The following DOCK2 variants were observed in gnomAD, a reference collection of about 807,000 sequenced individuals.
The protein encoded by DOCK2 is dedicator of cytokinesis 2, also known as dedicator of cytokinesis protein 2.
A neutral mutation model predicts 248.9 loss-of-function variants in DOCK2; 87 were observed. That is an observed-to-expected ratio of 0.35 (90% CI 0.29 to 0.42). The LOEUF (loss-of-function observed/expected upper bound fraction) is 0.42. DOCK2 is among the 10% of genes least tolerant of loss of function. The pLI is 1.00. For missense variants in DOCK2, 1,747 were observed against 2,300.2 expected, an observed-to-expected ratio of 0.76 and a Z score of 4.92; for synonymous variants, 805 against 821.6, an observed-to-expected ratio of 0.98 and a Z score of 0.35.
chr5:169,924,551 A>G (rs1581424368), intron 27 of DOCK2, among the ~76,000 whole-genome samples: 1 of 152,184 alleles, frequency 6.6e-6, no homozygotes, highest in African/African-American at 2.4e-5. Flanking sequence ...TTGGGTAGCA[A>G]TTTAGACTCT....
chr5:169,713,403 T>C (rs1696275309), intron 17 of DOCK2, among the ~76,000 whole-genome samples: 1 of 152,252 alleles, frequency 6.6e-6, no homozygotes. Flanking sequence ...TGTTATCTTC[T>C]GTAATGCCTA....
At chr5:169,889,625 A>C (rs1216291458) in intron 27 of DOCK2, among the ~76,000 whole-genome samples, 5 of 152,246 alleles carry the variant, frequency 3.3e-5, no homozygotes, top group African/African-American at 4.8e-5. Flanking sequence ...GCCAGGAGTC[A>C]GCAAGTTTTT....
chr5:169,980,597 A>G (rs2113782248), intron 27 of DOCK2: 1 of 152,096 alleles, frequency 6.6e-6, no homozygotes, highest in East Asian at 1.9e-4. Flanking sequence ...ACACACACAT[A>G]TGCAGGCACA....
At chr5:169,866,655 G>T (rs1381289344) in intron 27 of DOCK2, among the ~76,000 whole-genome samples, 1 of 152,220 alleles carries the variant, frequency 6.6e-6, no homozygotes, top group Non-Finnish European at 1.5e-5. Flanking sequence ...GCTGGCATCA[G>T]TAGCTGTTAG....
chr5:170,016,742 G>T (rs1320382700), intron 32 of DOCK2, among the ~76,000 whole-genome samples: 1 of 152,156 alleles, frequency 6.6e-6, no homozygotes, highest in East Asian at 1.9e-4. Flanking sequence ...CCATTCCGTG[G>T]TGGCTTATCT....
At chr5:169,837,527 C>G (rs893010547) in intron 26 of DOCK2, among the ~76,000 whole-genome samples, 1 of 152,194 alleles carries the variant, frequency 6.6e-6, no homozygotes, top group Non-Finnish European at 1.5e-5. Context: ...AACCAGAGAG[C>G]TGATGCAAAC....
At chr5:169,883,793 G>C in intron 27 of DOCK2, 1 of 1,551,602 alleles carries the variant, frequency 6.4e-7, no homozygotes, top group Non-Finnish European at 8.7e-7. Flanking sequence ...AATCTCACCT[G>C]CTGGGATTTG....
Position 169,829,534 on chromosome 5 carries a change from T to A in DOCK2, c.2704-11223T>A, listed in dbSNP as rs1271623306. ...GAGACGATTGCTGCAGGGCCATTTG[T>A]TCATGTAGTTCAATTTTCACTTAAG... On this transcript the variant is annotated intron_variant, in intron 26 of 51. Coordinates refer to ENST00000520908, the MANE Select transcript of DOCK2 (RefSeq NM_004946.3). 2.0e-5 allele frequency among the ~76,000 whole-genome samples: 3 copies of A among 152,350 alleles called. No homozygotes were observed. The East Asian group carries it at 5.8e-4, about 29-fold the overall frequency.
chr5:169,820,149 C>A (rs1355640944), intron 26 of DOCK2, among the ~76,000 whole-genome samples: 1 of 152,226 alleles, frequency 6.6e-6, no homozygotes, highest in South Asian at 2.1e-4. Context: ...GAGCCCAACG[C>A]AGCTCAAGGA....
intron 27 of DOCK2, among the ~76,000 whole-genome samples, chr5:169,893,479 CTT>C (rs200833735): frequency 1.5e-4 from 21 of 143,006 alleles, no homozygotes; most frequent in African/African-American, 4.4e-4. Context: ...TTTTCTTACC[CTT>C]TTTTTTTTTT....
intron 30 of DOCK2, among the ~76,000 whole-genome samples, chr5:170,007,674 T>C (rs1356167607): frequency 6.6e-6 from 1 of 152,156 alleles, no homozygotes; most frequent in South Asian, 2.1e-4. Flanking sequence ...TTTTGAGCAG[T>C]CACCATGTGC....
chr5:169,934,263 C>T (rs1209510997), intron 27 of DOCK2, among the ~76,000 whole-genome samples: 1 of 152,166 alleles, frequency 6.6e-6, no homozygotes, highest in Non-Finnish European at 1.5e-5. Flanking sequence ...AGAAGAGTCC[C>T]TTCTACTGTA....
In DOCK2 at chr5:169,997,466, C is replaced by T. The variant is rs1000809052; in HGVS notation, c.3072+1302C>T. 8.4e-5 allele frequency among the ~76,000 whole-genome samples: 12 copies of T among 142,250 alleles called. 1 individual carries two copies. Among genetic ancestry groups the T allele is most frequent in the South Asian group, 2.4e-4 (1 of 4,228 alleles). 93.3% of individuals were successfully genotyped at this position (142,250 alleles called of 152,430 possible). A position where few individuals can be genotyped will look rare whatever the true frequency, so the allele number is the denominator to read the frequency against. On this transcript the variant is annotated intron_variant, in intron 30 of 51. Transcript: ENST00000520908. ...GGACGGTCAGGTCTTTCCCTTCCCA[C>T]GAGGCCATATTTCAGACTATCACAT...
rs556675108 is a variant in DOCK2 at position 169,800,384 on chromosome 5, C to T, written c.2555-2674C>T. Among the ~76,000 whole-genome samples the T allele has an allele frequency of 5.5e-4, 84 of 152,304 alleles. 2 individuals are homozygous for T. In the South Asian group the frequency reaches 0.016, roughly 29 times the overall value. Reference sequence around the variant, plus strand: ...CTATTGCAATATTATCCACTTGTCACGGACTGTCTCAAATGCCACCTCCTC... The same window carrying T: ...CTATTGCAATATTATCCACTTGTCATGGACTGTCTCAAATGCCACCTCCTC... On this transcript the variant is annotated intron_variant, in intron 25 of 51. Coordinates refer to ENST00000520908, the MANE Select transcript of DOCK2 (RefSeq NM_004946.3).
intron 1 of DOCK2, among the ~76,000 whole-genome samples, chr5:169,652,975 A>C (rs1394908250): frequency 2.0e-5 from 3 of 152,148 alleles, no homozygotes; most frequent in African/African-American, 7.2e-5. Context: ...AATTATGAAG[A>C]GGTGTACCTG....
chr5:170,007,962 A>C (rs914558652), intron 30 of DOCK2, among the ~76,000 whole-genome samples: 4 of 152,172 alleles, frequency 2.6e-5, no homozygotes, highest in Non-Finnish European at 4.4e-5. Flanking sequence ...CCACACTTTG[A>C]AACTATTCAA....
chr5:170,000,762 A>G (rs1326433707), intron 30 of DOCK2, among the ~76,000 whole-genome samples: 2 of 152,164 alleles, frequency 1.3e-5, no homozygotes, highest in African/African-American at 4.8e-5. Flanking sequence ...AGGTGTGGCC[A>G]TTTCTGCCTA....
At chr5:169,670,475 G>A (rs1447337365) in intron 3 of DOCK2, 67 bp from the exon 4 acceptor site, 5 of 1,567,288 alleles carry the variant, frequency 3.2e-6, no homozygotes, top group African/African-American at 1.4e-5. Context: ...AAGACGTAGG[G>A]TCATTCATTT....
intron 49 of DOCK2, 158 bp downstream of exon 49, chr5:170,079,304 A>G (rs947370794): frequency 1.9e-5 from 20 of 1,054,288 alleles, no homozygotes; most frequent in Non-Finnish European, 2.5e-5. Context: ...TGAGAGGTGA[A>G]GTGCTTACTC....
Sources: gnomAD v4.1 joint callset for allele counts (sites outside exome capture counted in the v4.1 genomes callset) on GRCh38, gnomAD v4.1.1 for gene constraint, MANE v1.5 for transcripts, NCBI Gene and HGNC (gene_info 2026-07-23, HGNC 2026-07-21) for gene names.